Variants in TNIK observed in about 807,000 individuals in gnomAD.
TNIK encodes TRAF2 and NCK interacting kinase.
Under a neutral mutation model 191.3 loss-of-function variants are expected in TNIK, and 49 were observed. The ratio of observed to expected loss-of-function variants is 0.26; its 90% CI spans 0.20 to 0.32. The LOEUF is 0.32. Among genes scored for constraint, TNIK ranks in the 10% least tolerant of loss-of-function variants. The pLI, the probability that TNIK is intolerant of heterozygous loss-of-function variation, is 1.00. For synonymous variants in TNIK, 594 were observed against 600.9 expected (o/e 0.99, Z 0.17); for missense variants, 1,155 against 1,702.3 (o/e 0.68, Z 5.66).
intron 11 of TNIK, 100 bp downstream of exon 11, chr3:171,161,170 G>T: frequency 8.1e-7 from 1 of 1,238,130 alleles, no homozygotes. Context: ...CCACCCTGGT[G>T]GATTCTTAAA....
intron 10 of TNIK, among the ~76,000 whole-genome samples, chr3:171,161,554 G>A (rs1050070693): frequency 6.6e-6 from 1 of 152,154 alleles, no homozygotes; most frequent in South Asian, 2.1e-4. Flanking sequence ...TGTCCCCAGT[G>A]CCTAGTGTTC....
chr3:171,217,855 T>C (rs1016914153), intron 3 of TNIK, among the ~76,000 whole-genome samples: 1 of 151,916 alleles, frequency 6.6e-6, no homozygotes, highest in African/African-American at 2.4e-5. Flanking sequence ...AAAGAGAAAA[T>C]GTGATGTAGT....
intron 13 of TNIK, among the ~76,000 whole-genome samples, chr3:171,139,763 G>A (rs772618085): frequency 5.0e-4 from 76 of 152,178 alleles, no homozygotes; most frequent in Non-Finnish European, 1.5e-4. Flanking sequence ...CCCTCTACCT[G>A]CAACAGCTGA....
intron 1 of TNIK, among the ~76,000 whole-genome samples, chr3:171,447,482 A>G (rs1577972280): frequency 6.6e-6 from 1 of 152,316 alleles, no homozygotes; most frequent in African/African-American, 2.4e-5. Flanking sequence ...AATACAACAG[A>G]TAATTCTGAT....
rs567888084 is a variant in TNIK, at chr3:171,395,189, G to A, written c.58-25504C>T. Reference sequence around the variant, plus strand: ...AACTGGCACAGTAAAAGCTAATATGGCATAATCGTTAACAGCAGATTCTGG... The same window carrying A: ...AACTGGCACAGTAAAAGCTAATATGACATAATCGTTAACAGCAGATTCTGG... On this transcript the variant is annotated intron_variant, in intron 1 of 32. Coordinates refer to ENST00000436636, the MANE Select transcript of TNIK (RefSeq NM_015028.4). 6.6e-5 allele frequency among the ~76,000 whole-genome samples: 10 copies of A among 152,244 alleles called. No individual in the cohort carries two copies. In the South Asian group the frequency reaches 1.9e-3, roughly 28 times the overall value.
intron 1 of TNIK, among the ~76,000 whole-genome samples, chr3:171,449,409 C>T (rs1170555300): frequency 6.6e-6 from 1 of 152,232 alleles, no homozygotes; most frequent in Non-Finnish European, 1.5e-5. Flanking sequence ...TCCCCAGCAT[C>T]TGTTGTTTCC....
chr3:171,236,529 G>C (rs558499422), intron 2 of TNIK, among the ~76,000 whole-genome samples: 2 of 152,190 alleles, frequency 1.3e-5, no homozygotes, highest in Non-Finnish European at 2.9e-5. Context: ...GGGTCAGGGA[G>C]AGAAAGATGC....
intron 2 of TNIK, among the ~76,000 whole-genome samples, chr3:171,239,670 T>C (rs1252563879): frequency 6.6e-6 from 1 of 152,236 alleles, no homozygotes; most frequent in Non-Finnish European, 1.5e-5. Flanking sequence ...CGATTGTGAT[T>C]TCTGAGCAAA....
chr3:171,077,740 A>G (rs568754634), intron 28 of TNIK, among the ~76,000 whole-genome samples: 12 of 151,904 alleles, frequency 7.9e-5, no homozygotes, highest in Admixed American at 6.5e-4. Context: ...CAGCCTGTAT[A>G]GTATAGTCAT....
At chr3:171,344,834 T>G (rs1387592911) in intron 2 of TNIK, among the ~76,000 whole-genome samples, 1 of 152,214 alleles carries the variant, frequency 6.6e-6, no homozygotes, top group African/African-American at 2.4e-5. Flanking sequence ...TTATAGATCC[T>G]ATTTTCTGGA....
chr3:171,140,680 G>T (rs1377465257), intron 12 of TNIK, among the ~76,000 whole-genome samples, 171 bp from the exon 13 acceptor site: 1 of 152,102 alleles, frequency 6.6e-6, no homozygotes, highest in Non-Finnish European at 1.5e-5. Context: ...GCAGGGAGCG[G>T]GTGAGAGAGA....
intron 28 of TNIK, among the ~76,000 whole-genome samples, chr3:171,075,222 C>A (rs1233900673): frequency 6.6e-6 from 1 of 152,072 alleles, no homozygotes; most frequent in Non-Finnish European, 1.5e-5. Flanking sequence ...CTAACAAATG[C>A]CAAGTAATAA....
chr3:171,073,338 G>A (rs1165534067), intron 28 of TNIK, among the ~76,000 whole-genome samples: 1 of 152,020 alleles, frequency 6.6e-6, no homozygotes, highest in African/African-American at 2.4e-5. Context: ...ATATGCAGAA[G>A]AATGAAACTA....
intron 1 of TNIK, among the ~76,000 whole-genome samples, chr3:171,371,394 A>G (rs886309337): frequency 6.6e-6 from 1 of 152,252 alleles, no homozygotes; most frequent in Non-Finnish European, 1.5e-5. Context: ...AAACAAAAAC[A>G]AAAAGCAAAC....
intron 16 of TNIK, 53 bp from the exon 17 acceptor site, chr3:171,126,204 G>A (rs370542916): frequency 2.1e-6 from 3 of 1,461,922 alleles, no homozygotes; most frequent in East Asian, 2.4e-5. Flanking sequence ...AAAGAGATCA[G>A]CCAGTACCTC....
At chr3:171,236,042 G>A (rs1487611357) in intron 2 of TNIK, among the ~76,000 whole-genome samples, 2 of 152,096 alleles carry the variant, frequency 1.3e-5, no homozygotes, top group African/African-American at 2.4e-5. Context: ...CCAGGCACAT[G>A]GCTGCTACAT....
chr3:171,428,006 G>C (rs1724870388), intron 1 of TNIK, among the ~76,000 whole-genome samples: 1 of 152,166 alleles, frequency 6.6e-6, no homozygotes, highest in African/African-American at 2.4e-5. Context: ...TGGGGGCTGG[G>C]GGAGCAGGTC....
At chr3:171,272,813 G>C (rs1749278735) in intron 2 of TNIK, among the ~76,000 whole-genome samples, 1 of 152,092 alleles carries the variant, frequency 6.6e-6, no homozygotes, top group Non-Finnish European at 1.5e-5. Context: ...TGAATTGTTT[G>C]TCAGGCAGTT....
chr3:171,088,730 A>G (rs1402987018), intron 23 of TNIK, among the ~76,000 whole-genome samples: 1 of 152,232 alleles, frequency 6.6e-6, no homozygotes, highest in Non-Finnish European at 1.5e-5. Flanking sequence ...ATTAAAAGAC[A>G]ACTCTGGTTT....
Sources: gnomAD v4.1 joint callset for allele counts (sites outside exome capture counted in the v4.1 genomes callset) on GRCh38, gnomAD v4.1.1 for gene constraint, MANE v1.5 for transcripts, NCBI Gene and HGNC (gene_info 2026-07-23, HGNC 2026-07-21) for gene names.